CADM1: variants seen among roughly 807,000 people sequenced by gnomAD.
CADM1 encodes cell adhesion molecule 1.
Under a neutral mutation model 53.1 loss-of-function variants are expected in CADM1, and 15 were observed. That is an observed-to-expected ratio of 0.28 (90% CI 0.19 to 0.44). CADM1 has a LOEUF of 0.44. Among genes scored for constraint, CADM1 ranks in the 20% least tolerant of loss-of-function variants. The pLI, the probability that CADM1 is intolerant of heterozygous loss-of-function variation, is 1.00. For synonymous variants in CADM1, 281 were observed against 243.0 expected, an observed-to-expected ratio of 1.16 and a Z score of -1.45; for missense variants, 434 against 611.3, an observed-to-expected ratio of 0.71 and a Z score of 3.06.
At chr11:115,197,957 G>A (rs1436645383) in intron 9 of CADM1, among the ~76,000 whole-genome samples, 1 of 152,112 alleles carries the variant, frequency 6.6e-6, no homozygotes, top group Admixed American at 6.5e-5. Context: ...TTCTTCCCTG[G>A]TCTACCCTTC....
intron 1 of CADM1, among the ~76,000 whole-genome samples, chr11:115,463,992 AT>A (rs1405328646): frequency 6.6e-5 from 10 of 152,272 alleles, no homozygotes; most frequent in African/African-American, 1.7e-4. Context: ...ATATTATCCC[AT>A]AGGCCTTTAA....
chr11:115,190,302 A>G (rs1347069127), intron 10 of CADM1, among the ~76,000 whole-genome samples: 1 of 152,180 alleles, frequency 6.6e-6, no homozygotes, highest in Non-Finnish European at 1.5e-5. Context: ...CCTGGAATCA[A>G]GCATGAAACC....
chr11:115,222,241 T>C (rs891967821), intron 5 of CADM1, among the ~76,000 whole-genome samples: 34 of 152,148 alleles, frequency 2.2e-4, no homozygotes, highest in Admixed American at 7.9e-4. Context: ...AGAGTCTTTG[T>C]CAATCATGGA....
At chr11:115,396,551 G>A (rs1406636306) in intron 1 of CADM1, among the ~76,000 whole-genome samples, 1 of 152,204 alleles carries the variant, frequency 6.6e-6, no homozygotes, top group Non-Finnish European at 1.5e-5. Context: ...ACATAAAGGT[G>A]AAGGGAATAC....
chr11:115,252,805 A>C (rs1942649203), intron 1 of CADM1, among the ~76,000 whole-genome samples: 1 of 152,180 alleles, frequency 6.6e-6, no homozygotes, highest in Admixed American at 6.5e-5. Flanking sequence ...TGTTTCACAA[A>C]AGTCAGCTTT....
chr11:115,294,528 C>T (rs1943996494), intron 1 of CADM1, among the ~76,000 whole-genome samples: 1 of 152,194 alleles, frequency 6.6e-6, no homozygotes, highest in East Asian at 1.9e-4. Context: ...AAGGGCCTTC[C>T]TCTTCCTCTG....
rs546117679 is a variant in CADM1 at position 115,213,171 on chromosome 11, C to T, written c.994+1437G>A. 1.4e-3 allele frequency among the ~76,000 whole-genome samples: 208 copies of T among 152,236 alleles called. 1 individual carries two copies. Among genetic ancestry groups the T allele is most frequent in the South Asian group, 5.0e-3 (24 of 4,818 alleles). On this transcript the variant is annotated intron_variant, in intron 7 of 11. Transcript: ENST00000331581. ...AGCAATGTCGGGGACTCCCATGAGG[C>T]GCAGGCCCTTGTGTGAAGAGAGCAC...
At chr11:115,465,551 T>C (rs1345153982) in intron 1 of CADM1, among the ~76,000 whole-genome samples, 1 of 152,154 alleles carries the variant, frequency 6.6e-6, no homozygotes, top group African/African-American at 2.4e-5. Context: ...CCTTCTACCA[T>C]GAAAAGCATA....
chr11:115,319,505 T>G (rs943488046), intron 1 of CADM1, among the ~76,000 whole-genome samples: 1 of 152,176 alleles, frequency 6.6e-6, no homozygotes, highest in Non-Finnish European at 1.5e-5. Context: ...TAAATCACTA[T>G]TTTGGTGATT....
At chr11:115,341,258 G>A (rs889354479) in intron 1 of CADM1, among the ~76,000 whole-genome samples, 7 of 152,120 alleles carry the variant, frequency 4.6e-5, no homozygotes, top group Non-Finnish European at 1.0e-4. Flanking sequence ...CCGGCACTAA[G>A]TATTATTTCA....
At chr11:115,226,662 G>A (rs1941619525) in intron 5 of CADM1, among the ~76,000 whole-genome samples, 2 of 152,170 alleles carry the variant, frequency 1.3e-5, no homozygotes, top group African/African-American at 2.4e-5. Flanking sequence ...TGTCTGCAGA[G>A]AGAGGACGGC....
chr11:115,386,560 G>A (rs892722590), intron 1 of CADM1, among the ~76,000 whole-genome samples: 6 of 152,202 alleles, frequency 3.9e-5, no homozygotes, highest in Non-Finnish European at 5.9e-5. Context: ...GGACGGCTCA[G>A]GGCATCACAT....
intron 1 of CADM1, among the ~76,000 whole-genome samples, chr11:115,284,876 T>C (rs1021950062): frequency 6.6e-6 from 1 of 152,222 alleles, no homozygotes; most frequent in Non-Finnish European, 1.5e-5. Flanking sequence ...TCTAAGTTCG[T>C]TCTTATTAAA....
In CADM1 at chr11:115,238,035, CG is replaced by C. The variant is rs535170391; in HGVS notation, c.424+464del. On this transcript the variant is annotated intron_variant, in intron 3 of 11. Transcript: ENST00000331581. Reference sequence around the variant, plus strand: ...CTAGAGTATAAGCAATAAACAAGGCCGTAAGTCAAGCCAATGAAAAGGAGAT... The same window carrying C: ...CTAGAGTATAAGCAATAAACAAGGCCTAAGTCAAGCCAATGAAAAGGAGAT... 1.6e-3 allele frequency among the ~76,000 whole-genome samples: 237 copies of C among 152,046 alleles called. 2 individuals are homozygous for C. The highest frequency in any genetic ancestry group is 5.5e-3 in the African/African-American group (228 of 41,458).
intron 1 of CADM1, among the ~76,000 whole-genome samples, chr11:115,460,811 T>C (rs1948779233): frequency 1.3e-5 from 2 of 152,142 alleles, no homozygotes; most frequent in African/African-American, 2.4e-5. Context: ...GAAGCACTTA[T>C]ATCAACTGGA....
chr11:115,502,196 G>C (rs527949883), intron 1 of CADM1, among the ~76,000 whole-genome samples: 25 of 152,174 alleles, frequency 1.6e-4, no homozygotes, highest in African/African-American at 5.8e-4. Flanking sequence ...CTACTACCCG[G>C]TGCCTTCAAT....
intron 1 of CADM1, among the ~76,000 whole-genome samples, chr11:115,459,827 G>T (rs1948756963): frequency 6.6e-6 from 1 of 151,992 alleles, no homozygotes; most frequent in Admixed American, 6.6e-5. Flanking sequence ...TGCTTCAGTG[G>T]GTTCAATAAA....
At chr11:115,328,782 T>C in intron 1 of CADM1, among the ~76,000 whole-genome samples, 1 of 74,544 alleles carries the variant, frequency 1.3e-5, no homozygotes, top group African/African-American at 3.9e-5. Flanking sequence ...CAAAAGAACT[T>C]TTAGTGGGCT....
chr11:115,239,064 T>A (rs951205310), intron 2 of CADM1, among the ~76,000 whole-genome samples: 6 of 152,032 alleles, frequency 3.9e-5, no homozygotes, highest in Non-Finnish European at 7.4e-5. Flanking sequence ...CAGGGCCCCC[T>A]AGCCTTTGGG....
Sources: allele counts gnomAD v4.1 joint callset (sites outside exome capture counted in the v4.1 genomes callset), GRCh38; gene constraint gnomAD v4.1.1; transcripts MANE v1.5; gene names NCBI Gene and HGNC (gene_info 2026-07-23, HGNC 2026-07-21).